Variants in ADAMTS2 observed in about 807,000 individuals in gnomAD.
ADAMTS2 encodes the protein ADAM metallopeptidase with thrombospondin type 1 motif 2.
ADAMTS2 carries 50 observed loss-of-function variants against 123.0 expected under a neutral mutation model. That is an observed-to-expected ratio of 0.41 (90% CI 0.32 to 0.51). ADAMTS2 has a LOEUF of 0.51. Ranked by LOEUF, ADAMTS2 falls within the 20% of genes least tolerant of loss-of-function variation. ADAMTS2 has a pLI of 0.35. For synonymous variants in ADAMTS2, 678 were observed against 695.4 expected (o/e 0.98, Z 0.39); for missense variants, 1,494 against 1,705.2 (o/e 0.88, Z 2.18).
chr5:179,344,499 C>T (rs1028204805), intron 1 of ADAMTS2, among the ~76,000 whole-genome samples: 6 of 152,222 alleles, frequency 3.9e-5, no homozygotes, highest in African/African-American at 1.4e-4. Context: ...AGTCCCCCGA[C>T]CCTTGCACCT....
chr5:179,226,686 C>T (rs1765300162), intron 3 of ADAMTS2, among the ~76,000 whole-genome samples: 1 of 152,158 alleles, frequency 6.6e-6, no homozygotes, highest in African/African-American at 2.4e-5. Flanking sequence ...AGAAACGGAT[C>T]CAGCCAACCA....
intron 2 of ADAMTS2, among the ~76,000 whole-genome samples, chr5:179,320,972 GA>G (rs961130015): frequency 4.0e-5 from 6 of 151,826 alleles, no homozygotes; most frequent in Non-Finnish European, 8.8e-5. Flanking sequence ...GGGGATGTGG[GA>G]AAAAAAACAA....
At position 179,242,472 on chromosome 5, in the gene ADAMTS2, C is replaced by T. The variant is rs554740919; in HGVS notation, c.688+30439G>A. Among the ~76,000 whole-genome samples, 1 of 152,142 alleles carries T rather than the reference C, an allele frequency of 6.6e-6. No individual in the cohort carries two copies. Among genetic ancestry groups the T allele is most frequent in the Non-Finnish European group, 1.5e-5 (1 of 68,030 alleles). On this transcript the variant is annotated intron_variant, in intron 3 of 21. Coordinates refer to ENST00000251582, the MANE Select transcript of ADAMTS2 (RefSeq NM_014244.5). The surrounding 1 kb of genome is among the most constrained non-coding windows in gnomAD (Gnocchi z 4.2). ...TGAGAGGAGCCCCATGGACACATTCCCCTCAGAACAACCATAACTGGTGAA... is the reference window on the plus strand; with the variant it reads ...TGAGAGGAGCCCCATGGACACATTCTCCTCAGAACAACCATAACTGGTGAA...
chr5:179,311,176 G>A lies in ADAMTS2; in HGVS notation c.534+32591C>T, dbSNP rs546437603. Among the ~76,000 whole-genome samples, 9 of 152,176 alleles carry A rather than the reference G, an allele frequency of 5.9e-5. No individual in the cohort carries two copies. In the East Asian group the frequency reaches 1.4e-3, roughly 23 times the overall value. ...TTCACTCTGAGGCCGAGCCTCCCCC[G>A]CCCTCTGAACAGGAAGGCCACGTCC... On this transcript the variant is annotated intron_variant, in intron 2 of 21. Transcript: ENST00000251582.
At chr5:179,138,458 G>T (rs926634142) in intron 11 of ADAMTS2, among the ~76,000 whole-genome samples, 4 of 152,344 alleles carry the variant, frequency 2.6e-5, no homozygotes, top group African/African-American at 7.2e-5. Flanking sequence ...CAAAGCAGAC[G>T]CATCACGGCC....
At chr5:179,301,887 G>C (rs1031352478) in intron 2 of ADAMTS2, among the ~76,000 whole-genome samples, 1 of 152,254 alleles carries the variant, frequency 6.6e-6, no homozygotes, top group Non-Finnish European at 1.5e-5. Context: ...GGGATGCCCC[G>C]CTCACAGCGT....
chr5:179,157,193 G>A (rs1036939794), intron 6 of ADAMTS2, among the ~76,000 whole-genome samples: 4 of 152,030 alleles, frequency 2.6e-5, no homozygotes, highest in East Asian at 3.9e-4. Context: ...CAAGTGATCC[G>A]CCCGCCTTGG....
intron 2 of ADAMTS2, among the ~76,000 whole-genome samples, chr5:179,333,660 C>T (rs1012870419): frequency 5.8e-5 from 8 of 137,842 alleles, no homozygotes; most frequent in Admixed American, 2.5e-4. Context: ...AGTGCAGTGG[C>T]GCAATTTCAG....
intron 3 of ADAMTS2, among the ~76,000 whole-genome samples, chr5:179,210,602 A>G (rs1039940270): frequency 6.6e-6 from 1 of 152,232 alleles, no homozygotes; most frequent in Non-Finnish European, 1.5e-5. Context: ...AGAGGAAGAC[A>G]GGGGCCTGGG....
intron 3 of ADAMTS2, among the ~76,000 whole-genome samples, chr5:179,230,482 C>T (rs568631425): frequency 4.6e-5 from 7 of 152,044 alleles, no homozygotes; most frequent in African/African-American, 1.2e-4. Context: ...CAAATACATA[C>T]GCTTGACGTT....
chr5:179,284,311 AGAGT>A (rs1755937512), intron 2 of ADAMTS2, among the ~76,000 whole-genome samples: 1 of 152,100 alleles, frequency 6.6e-6, no homozygotes, highest in Non-Finnish European at 1.5e-5. Flanking sequence ...TCTGGGCAAC[AGAGT>A]GAGACTCCAT....
At chr5:179,127,316 G>A (rs1207595191) in intron 17 of ADAMTS2, among the ~76,000 whole-genome samples, 3 of 152,172 alleles carry the variant, frequency 2.0e-5, no homozygotes, top group Non-Finnish European at 4.4e-5. Context: ...CATCTGCCTG[G>A]GCCAGGGAGT....
rs547834835 is a variant in ADAMTS2 at position 179,242,281 on chromosome 5, C to A, written c.688+30630G>T. Among the ~76,000 whole-genome samples, 1 of 152,266 alleles carries A rather than the reference C, an allele frequency of 6.6e-6. No individual in the cohort carries two copies. Among genetic ancestry groups the A allele is most frequent in the African/African-American group, 2.4e-5 (1 of 41,546 alleles). On this transcript the variant is annotated intron_variant, in intron 3 of 21. Transcript: ENST00000251582. This position sits in a 1 kb window ranked among gnomAD's most constrained non-coding sequence, Gnocchi z 4.2. ...CCAGCGGTGCCTGCTGTCTTGCTCG[C>A]GTGTGCCAGCAAATCTCCTTTTCTT...
intron 3 of ADAMTS2, among the ~76,000 whole-genome samples, chr5:179,237,610 TG>T (rs1561616350): frequency 6.6e-6 from 1 of 152,224 alleles, no homozygotes; most frequent in East Asian, 1.9e-4. Context: ...TCTGGGAGGC[TG>T]GGGGAGATGA....
At chr5:179,310,625 C>T (rs1170812365) in intron 2 of ADAMTS2, among the ~76,000 whole-genome samples, 1 of 152,102 alleles carries the variant, frequency 6.6e-6, no homozygotes, top group African/African-American at 2.4e-5. Context: ...AGCCTGGGGG[C>T]CCCCGGGAGC....
At chr5:179,342,691 C>T (rs1561774143) in intron 2 of ADAMTS2, among the ~76,000 whole-genome samples, 2 of 152,216 alleles carry the variant, frequency 1.3e-5, no homozygotes, top group South Asian at 4.1e-4. Flanking sequence ...CCATGGTGGG[C>T]GGCTTCAGAT....
intron 2 of ADAMTS2, among the ~76,000 whole-genome samples, chr5:179,325,602 A>G (rs1407238959): frequency 6.6e-6 from 1 of 152,254 alleles, no homozygotes; most frequent in Non-Finnish European, 1.5e-5. Context: ...TGCCTGAAGC[A>G]TGTGACCCAA....
chr5:179,325,375 G>A (rs1320078299), intron 2 of ADAMTS2, among the ~76,000 whole-genome samples: 2 of 152,204 alleles, frequency 1.3e-5, no homozygotes, highest in Admixed American at 6.5e-5. Context: ...GGAGAAACGG[G>A]GGCAGGGAGA....
intron 3 of ADAMTS2, among the ~76,000 whole-genome samples, chr5:179,247,535 A>C (rs1765829152): frequency 6.6e-6 from 1 of 152,196 alleles, no homozygotes; most frequent in Non-Finnish European, 1.5e-5. Flanking sequence ...GAGCTCAATG[A>C]CTCCAAGTTT....
Sources: gnomAD v4.1 joint callset for allele counts (sites outside exome capture counted in the v4.1 genomes callset) on GRCh38, gnomAD v4.1.1 for gene constraint, Gnocchi (gnomAD v3.1) non-coding constraint, MANE v1.5 for transcripts, NCBI Gene and HGNC (gene_info 2026-07-23, HGNC 2026-07-21) for gene names.